Variants in ABCE1 observed in about 807,000 individuals in gnomAD.
ABCE1 encodes the protein ATP-binding cassette sub-family E member 1.
A neutral mutation model predicts 83.4 loss-of-function variants in ABCE1; 22 were observed. The observed-to-expected ratio is 0.26, with a 90% CI of 0.19 to 0.38. ABCE1 has a LOEUF of 0.38. Ranked by LOEUF, ABCE1 falls within the 10% of genes least tolerant of loss-of-function variation. The probability of loss-of-function intolerance (pLI) is 1.00; values close to 1 mark genes in which losing one functional copy is unlikely to be tolerated. For synonymous variants in ABCE1, 204 were observed against 233.7 expected, an observed-to-expected ratio of 0.87 and a Z score of 1.16; for missense variants, 330 against 721.9, an observed-to-expected ratio of 0.46 and a Z score of 6.22.
intron 9 of ABCE1, 57 bp from the exon 10 acceptor site, chr4:145,117,236 C>G: frequency 6.9e-7 from 1 of 1,442,418 alleles, no homozygotes; most frequent in Non-Finnish European, 9.4e-7. Flanking sequence ...TCTGAAATTT[C>G]CAACTATTAA....
intron 3 of ABCE1, among the ~76,000 whole-genome samples, chr4:145,107,246 A>C (rs1476937693): frequency 1.3e-5 from 2 of 152,096 alleles, no homozygotes; most frequent in Admixed American, 1.3e-4. Flanking sequence ...ATGGAAAGAC[A>C]TTAATCCCCA....
chr4:145,118,814 G>A (rs1052333456), intron 10 of ABCE1, among the ~76,000 whole-genome samples: 19 of 151,718 alleles, frequency 1.3e-4, no homozygotes, highest in African/African-American at 4.6e-4. Context: ...AACTGTAAAG[G>A]TGATTATGGT....
intron 10 of ABCE1, among the ~76,000 whole-genome samples, chr4:145,117,919 T>C (rs989579431): frequency 4.0e-5 from 6 of 151,764 alleles, no homozygotes; most frequent in African/African-American, 1.4e-4. Flanking sequence ...TCCAAGAAAA[T>C]GAGATTCCCT....
intron 1 of ABCE1, among the ~76,000 whole-genome samples, chr4:145,103,507 G>A (rs1441820674): frequency 6.6e-6 from 1 of 152,104 alleles, no homozygotes; most frequent in Non-Finnish European, 1.5e-5. Flanking sequence ...GGAATATCAA[G>A]ACTTATAAAA....
chr4:145,120,291 T>TGTAA, intron 11 of ABCE1, 138 bp downstream of exon 11: 1 of 706,054 alleles, frequency 1.4e-6, no homozygotes, highest in Non-Finnish European at 2.3e-6. Context: ...AATTTCTTAG[T>TGTAA]GTACTTTCAC....
At chr4:145,115,164 G>C (rs973036769) in intron 9 of ABCE1, among the ~76,000 whole-genome samples, 4 of 151,878 alleles carry the variant, frequency 2.6e-5, no homozygotes, top group Non-Finnish European at 5.9e-5. Flanking sequence ...CAACTTCTCA[G>C]AAAACAGAAT....
chr4:145,116,937 A>C (rs1423418491), intron 9 of ABCE1, among the ~76,000 whole-genome samples: 1 of 151,962 alleles, frequency 6.6e-6, no homozygotes, highest in Non-Finnish European at 1.5e-5. Flanking sequence ...ATGGGACAGG[A>C]CAGGTACAGG....
chr4:145,121,102 A>G (rs1343429243), intron 11 of ABCE1, 72 bp from the exon 12 acceptor site: 1 of 1,497,486 alleles, frequency 6.7e-7, no homozygotes, highest in Non-Finnish European at 9.3e-7. Context: ...AGTTAAAACC[A>G]AATAGGACAT....
intron 8 of ABCE1, among the ~76,000 whole-genome samples, chr4:145,111,411 C>T (rs1749470142): frequency 6.6e-6 from 1 of 152,236 alleles, no homozygotes; most frequent in Admixed American, 6.5e-5. Flanking sequence ...ACAAGCTCCA[C>T]CTCCCGGGTT....
chr4:145,103,983 G>C (rs1040219435), intron 1 of ABCE1, among the ~76,000 whole-genome samples: 6 of 151,598 alleles, frequency 4.0e-5, no homozygotes, highest in African/African-American at 1.5e-4. Flanking sequence ...ATTCAGGAAG[G>C]GTTTAAATCT....
chr4:145,120,028 A>T lies in ABCE1; in HGVS notation c.1019A>T (p.Glu340Val). The T allele has an allele frequency of 2.5e-6, 4 of 1,612,582 alleles. No individual in the cohort carries two copies. Among genetic ancestry groups the T allele is most frequent in the Non-Finnish European group, 2.5e-6 (3 of 1,179,220 alleles). ...VFKVAETANE[E>V]EVKKMCMYKY... ...AAAGTGGCTGAGACAGCAAATGAAG[A>T]AGAAGTTAAAAAGATGTGTATGTAT... Residue 340 changes from glutamate (E) to valine (V), a missense_variant, in exon 11 of 18, where the codon GAA becomes GTA. Physicochemically the swap from Glu to Val is moderately radical, Grantham distance 121 (BLOSUM62 -2). Transcript: ENST00000296577.
chr4:145,122,771 A>G (rs958711706), intron 13 of ABCE1: 7 of 311,202 alleles, frequency 2.2e-5, no homozygotes, highest in African/African-American at 1.5e-4. Flanking sequence ...TGATCATGCC[A>G]TTGCACACCT....
chr4:145,107,293 A>G (rs1275755060), intron 3 of ABCE1, among the ~76,000 whole-genome samples: 1 of 152,146 alleles, frequency 6.6e-6, no homozygotes, highest in Admixed American at 6.5e-5. Flanking sequence ...TGGGATGGAA[A>G]TAGCCCAAAA....
chr4:145,120,740 A>G (rs1478034173), intron 11 of ABCE1, among the ~76,000 whole-genome samples: 3 of 152,132 alleles, frequency 2.0e-5, no homozygotes, highest in Non-Finnish European at 4.4e-5. Flanking sequence ...AAAGATTGTT[A>G]CAATGTATCA....
At chr4:145,110,502 T>C in intron 7 of ABCE1, 58 bp downstream of exon 7, 1 of 1,545,798 alleles carries the variant, frequency 6.5e-7, no homozygotes, top group Non-Finnish European at 8.9e-7. Context: ...TGAGACGGAG[T>C]TTCGCTCTTG....
In ABCE1 at chr4:145,128,330, CTGAT is replaced by C. The variant is rs1225546193; in HGVS notation, c.*761_*764del. 6.6e-5 allele frequency: 10 copies of C among 152,494 alleles called. No homozygotes were observed. The highest frequency in any genetic ancestry group is 2.2e-4 in the African/African-American group (9 of 41,410). The allele number at this position is 152,494 out of a possible 1,614,324, so 9.4% of individuals were successfully genotyped here. A position where few individuals can be genotyped will look rare whatever the true frequency, so the allele number is the denominator to read the frequency against. On this transcript the variant is annotated 3_prime_UTR_variant, in exon 18 of 18. Transcript: ENST00000296577. Reference sequence around the variant, plus strand: ...TTGTACACATATATTTATATAATCACTGATTGAGATTTAGGAAAAAGCATTTCTA... The same window carrying C: ...TTGTACACATATATTTATATAATCACTGAGATTTAGGAAAAAGCATTTCTA...
At chr4:145,105,447 G>A (rs1031166633) in intron 2 of ABCE1, among the ~76,000 whole-genome samples, 158 bp from the exon 3 acceptor site, 12 of 152,018 alleles carry the variant, frequency 7.9e-5, no homozygotes, top group Non-Finnish European at 1.6e-4. Context: ...ACAAAGCACT[G>A]ATTTAAGACA....
intron 1 of ABCE1, among the ~76,000 whole-genome samples, chr4:145,103,900 C>CGCAG (rs1251725798): frequency 1.3e-5 from 2 of 151,660 alleles, no homozygotes; most frequent in Admixed American, 1.3e-4. Flanking sequence ...TAGCTGGGAC[C>CGCAG]GCAGGCGCAC....
chr4:145,113,924 A>G lies in ABCE1; in HGVS notation c.800+1596A>G, dbSNP rs191321644. On this transcript the variant is annotated intron_variant, in intron 9 of 17. Transcript: ENST00000296577. ...TAAAATGTGGAAAGAAGGTTCAGAA[A>G]CCTGGAGAATGTAATGAGGAAACTA... is the stretch of plus-strand genomic sequence containing the variant. 2.6e-5 allele frequency among the ~76,000 whole-genome samples: 4 copies of G among 152,220 alleles called. No individual in the cohort carries two copies. In the East Asian group the frequency reaches 7.7e-4, roughly 29 times the overall value.
Sources: allele counts gnomAD v4.1 joint callset (sites outside exome capture counted in the v4.1 genomes callset), GRCh38; gene constraint gnomAD v4.1.1; transcripts MANE v1.5; gene names NCBI Gene and HGNC (gene_info 2026-07-23, HGNC 2026-07-21).